MTNAP1: variants seen among roughly 807,000 people sequenced by gnomAD.
The protein encoded by MTNAP1 is mitochondrial nucleoid-associated protein 1.
At chr17:73,233,936 A>T in the MTNAP1 span, among the ~76,000 whole-genome samples, 1 of 151,714 alleles carries the variant, frequency 6.6e-6, no homozygotes, top group Non-Finnish European at 1.5e-5. Context: ...GGCAGAAAAC[A>T]GTTTTGTTTT....
chr17:73,243,074 TGAA>T, the MTNAP1 span: 5,347 of 1,051,410 alleles, frequency 5.1e-3, 218 homozygotes, highest in African/African-American at 0.094. Context: ...AGGGATTCTC[TGAA>T]TTTTTTTTTT....
chr17:73,245,121 T>C, the MTNAP1 span: 1 of 1,582,540 alleles, frequency 6.3e-7, no homozygotes, highest in Non-Finnish European at 8.7e-7. Flanking sequence ...TAACAGTCAT[T>C]GGAAGTGGCC....
chr17:73,246,894 C>T, the MTNAP1 span, among the ~76,000 whole-genome samples: 1 of 152,150 alleles, frequency 6.6e-6, no homozygotes, highest in Non-Finnish European at 1.5e-5. Flanking sequence ...TGTGAATGCT[C>T]TTTAGGAGAG....
At chr17:73,237,050 CTT>C in the MTNAP1 span, 1 of 1,452,982 alleles carries the variant, frequency 6.9e-7, no homozygotes, top group Non-Finnish European at 9.1e-7. Context: ...CTCTCTCTGC[CTT>C]TTGAATTTAT....
the MTNAP1 span, among the ~76,000 whole-genome samples, chr17:73,243,546 GTC>G: frequency 1.4e-5 from 2 of 142,424 alleles, no homozygotes; most frequent in African/African-American, 5.2e-5. Context: ...ATTTCATGTT[GTC>G]TTTTTTTTTT....
the MTNAP1 span, among the ~76,000 whole-genome samples, chr17:73,241,215 T>C: frequency 6.6e-6 from 1 of 152,152 alleles, no homozygotes; most frequent in African/African-American, 2.4e-5. Flanking sequence ...TGGAGTGCAG[T>C]GTAGCGATCT....
the MTNAP1 span, chr17:73,236,742 G>C: frequency 0.53 from 858,606 of 1,613,778 alleles, 229,715 homozygotes; most frequent in East Asian, 0.63. Context: ...CTGATAGTCA[G>C]TTCCAAGCAT....
At chr17:73,247,525 T>C in the MTNAP1 span, 2 of 568,912 alleles carry the variant, frequency 3.5e-6, no homozygotes, top group Non-Finnish European at 6.3e-6. Flanking sequence ...TCACTTGTCA[T>C]AATCAGGGTG....
the MTNAP1 span, among the ~76,000 whole-genome samples, chr17:73,244,288 C>T: frequency 2.0e-5 from 3 of 151,936 alleles, no homozygotes; most frequent in African/African-American, 4.8e-5. Context: ...TGGGGCCGGG[C>T]GCGGTGGCTC....
the MTNAP1 span, chr17:73,242,969 C>A: frequency 1.2e-6 from 2 of 1,613,742 alleles, no homozygotes. Context: ...CAGGATACTT[C>A]GTCCTGTGTT....
the MTNAP1 span, chr17:73,248,546 G>A: frequency 6.4e-7 from 1 of 1,551,502 alleles, no homozygotes; most frequent in Non-Finnish European, 8.7e-7. Context: ...CCTGCAAGGT[G>A]CATACAAATG....
At chr17:73,241,779 ATT>A in the MTNAP1 span, among the ~76,000 whole-genome samples, 1 of 152,170 alleles carries the variant, frequency 6.6e-6, no homozygotes, top group Non-Finnish European at 1.5e-5. Flanking sequence ...AATAACAAAA[ATT>A]AGCCTGGCGT....
At chr17:73,236,560 G>T in the MTNAP1 span, 1 of 1,614,170 alleles carries the variant, frequency 6.2e-7, no homozygotes, top group Non-Finnish European at 8.5e-7. Context: ...CATTCCGAGG[G>T]AGACGACTTA....
At chr17:73,243,927 C>G in the MTNAP1 span, among the ~76,000 whole-genome samples, 1 of 152,236 alleles carries the variant, frequency 6.6e-6, no homozygotes, top group East Asian at 1.9e-4. Flanking sequence ...TGCCTAAGAG[C>G]ACCTTTTTGG....
chr17:73,243,822 C>G, the MTNAP1 span, among the ~76,000 whole-genome samples: 1 of 152,150 alleles, frequency 6.6e-6, no homozygotes, highest in African/African-American at 2.4e-5. Context: ...CATGAGCCAC[C>G]GCACTCAGCC....
chr17:73,246,742 G>A, the MTNAP1 span, among the ~76,000 whole-genome samples: 1 of 152,160 alleles, frequency 6.6e-6, no homozygotes, highest in East Asian at 1.9e-4. Flanking sequence ...ATATATCCCT[G>A]TATCCTAGAA....
the MTNAP1 span, chr17:73,236,011 T>C: frequency 1.2e-6 from 2 of 1,614,188 alleles, no homozygotes; most frequent in Non-Finnish European, 1.7e-6. Context: ...ACTGGTTGGC[T>C]CAATAGAACC....
the MTNAP1 span, chr17:73,242,235 G>C: frequency 6.4e-7 from 1 of 1,555,832 alleles, no homozygotes; most frequent in Non-Finnish European, 8.8e-7. Context: ...CTTCTGTTTG[G>C]AACCATAGTT....
chr17:73,236,675 C>A, the MTNAP1 span: 613 of 1,614,172 alleles, frequency 3.8e-4, no homozygotes, highest in Middle Eastern at 4.9e-4. Flanking sequence ...CATTGTGTCC[C>A]TGATGTAAAG....
Sources: gnomAD v4.1 joint callset for allele counts (sites outside exome capture counted in the v4.1 genomes callset) on GRCh38, gnomAD v4.1.1 for gene constraint, MANE v1.5 for transcripts, NCBI Gene and HGNC (gene_info 2026-07-23, HGNC 2026-07-21) for gene names.